The following VAV2 variants were observed in gnomAD, a reference collection of about 807,000 sequenced individuals.
The protein encoded by VAV2 is guanine nucleotide exchange factor VAV2.
A neutral mutation model predicts 132.5 loss-of-function variants in VAV2; 67 were observed. That is an observed-to-expected ratio of 0.51 (90% CI 0.42 to 0.62). The LOEUF (loss-of-function observed/expected upper bound fraction) is 0.62. Among genes scored for constraint, VAV2 ranks in the 20% least tolerant of loss-of-function variants. VAV2 has a pLI of 0.00. For synonymous variants in VAV2, 492 were observed against 443.5 expected, an observed-to-expected ratio of 1.11 and a Z score of -1.37; for missense variants, 938 against 1,153.6, an observed-to-expected ratio of 0.81 and a Z score of 2.71.
chr9:133,981,524 C>T lies in VAV2; in HGVS notation c.204+10551G>A, dbSNP rs934638090. On this transcript the variant is annotated intron_variant, in intron 1 of 29. Transcript: ENST00000371850. ...GTGCCCTTCACTGGGAGTGAGCCGC[C>T]GGGCTCGGGGTGAGGGTGCCGAGTC... 3.3e-5 allele frequency among the ~76,000 whole-genome samples: 5 copies of T among 152,274 alleles called. No individual in the cohort carries two copies. In the South Asian group the frequency reaches 6.2e-4, roughly 19 times the overall value.
chr9:133,765,518 T>C (rs1291168269), intron 29 of VAV2, among the ~76,000 whole-genome samples: 2 of 152,192 alleles, frequency 1.3e-5, no homozygotes, highest in African/African-American at 4.8e-5. Context: ...AATAGCTGGC[T>C]CAAACTCTTC....
At chr9:133,947,103 G>A (rs1841385673) in intron 1 of VAV2, among the ~76,000 whole-genome samples, 1 of 152,202 alleles carries the variant, frequency 6.6e-6, no homozygotes, top group Non-Finnish European at 1.5e-5. Flanking sequence ...AAGCAGCAGA[G>A]AGTCCACGAT....
intron 2 of VAV2, among the ~76,000 whole-genome samples, chr9:133,911,839 A>T (rs1445621826): frequency 6.6e-6 from 1 of 152,160 alleles, no homozygotes; most frequent in Non-Finnish European, 1.5e-5. Context: ...CCAACCACAC[A>T]CCGAATGTCC....
chr9:133,910,443 G>A (rs950902985), intron 2 of VAV2, among the ~76,000 whole-genome samples: 17 of 151,968 alleles, frequency 1.1e-4, no homozygotes, highest in African/African-American at 2.7e-4. Context: ...TCATGTAACC[G>A]GCACCAAGCC....
chr9:133,783,066 T>C (rs1780982292), intron 19 of VAV2, among the ~76,000 whole-genome samples: 1 of 152,232 alleles, frequency 6.6e-6, no homozygotes, highest in Non-Finnish European at 1.5e-5. Context: ...TGTGTGTGTG[T>C]GTCTGAACCA....
chr9:133,950,945 C>T (rs544143596), intron 1 of VAV2, among the ~76,000 whole-genome samples: 3 of 152,284 alleles, frequency 2.0e-5, no homozygotes, highest in South Asian at 2.1e-4. Context: ...GCAGAGGGCG[C>T]GATTCTTCCC....
At chr9:133,836,797 A>G (rs1237013474) in intron 3 of VAV2, among the ~76,000 whole-genome samples, 1 of 152,200 alleles carries the variant, frequency 6.6e-6, no homozygotes, top group Non-Finnish European at 1.5e-5. Context: ...ATGCATTCAC[A>G]CTTTGTAAGG....
At chr9:133,836,160 C>A (rs1836464287) in intron 3 of VAV2, among the ~76,000 whole-genome samples, 2 of 152,212 alleles carry the variant, frequency 1.3e-5, no homozygotes, top group South Asian at 4.1e-4. Context: ...CGACACAGAT[C>A]CCGCCCAGGT....
intron 2 of VAV2, among the ~76,000 whole-genome samples, chr9:133,886,815 C>A (rs555261102): frequency 6.6e-6 from 1 of 152,262 alleles, no homozygotes; most frequent in African/African-American, 2.4e-5. Flanking sequence ...AGCACAAAAG[C>A]CTGTGTTCAT....
rs75999113 is a variant in VAV2 at position 133,908,927 on chromosome 9, G to A, written c.321+30176C>T. ...TGTGGGCCCAGTGGGCATGCAGGCA[G>A]CTGCGCTCCCAGAATCTCCACACAG... On this transcript the variant is annotated intron_variant, in intron 2 of 29. Coordinates refer to ENST00000371850, the MANE Select transcript of VAV2 (RefSeq NM_001134398.2). 7.9e-3 allele frequency among the ~76,000 whole-genome samples: 1,204 copies of A among 152,376 alleles called. 20 individuals are homozygous for A. Among genetic ancestry groups the A allele is most frequent in the African/African-American group, 0.027 (1,125 of 41,590 alleles).
At chr9:133,981,911 G>A (rs73662363) in intron 1 of VAV2, among the ~76,000 whole-genome samples, 1,629 of 152,364 alleles carry the variant, frequency 0.011, 26 homozygotes, top group African/African-American at 0.037. Context: ...CGCTCAGCCC[G>A]CTTCCTGGCA....
chr9:133,976,237 AGGGTCATCCTCCCACAAGG>A (rs1842505770), intron 1 of VAV2, among the ~76,000 whole-genome samples: 1 of 151,808 alleles, frequency 6.6e-6, no homozygotes, highest in Non-Finnish European at 1.5e-5. Context: ...GGCCGCCTCT[AGGGTCATCCTCCCACAAGG>A]GGATCCTTTC....
At chr9:133,806,298 G>C in intron 8 of VAV2, 117 bp from the exon 9 acceptor site, 2 of 913,216 alleles carry the variant, frequency 2.2e-6, no homozygotes, top group Non-Finnish European at 3.3e-6. Flanking sequence ...AGGGGCCCGG[G>C]TGCTGGGCCT....
intron 2 of VAV2, among the ~76,000 whole-genome samples, chr9:133,932,188 C>T (rs1039579388): frequency 1.5e-4 from 23 of 152,302 alleles, no homozygotes; most frequent in African/African-American, 4.3e-4. Context: ...CCAGAGCTGG[C>T]GACCCATGGG....
At chr9:133,886,281 C>A (rs1283125196) in intron 2 of VAV2, among the ~76,000 whole-genome samples, 2 of 152,200 alleles carry the variant, frequency 1.3e-5, no homozygotes, top group Non-Finnish European at 2.9e-5. Context: ...CTTGCCTCGG[C>A]CCAGAGGCAT....
In VAV2 at chr9:133,822,334, GTC is replaced by G. The variant is rs1835822884; in HGVS notation, c.450-10120_450-10119del. Among the ~76,000 whole-genome samples, 5 of 152,214 alleles carry G rather than the reference GTC, an allele frequency of 3.3e-5. No homozygotes were observed. The South Asian group carries it at 1.0e-3, about 31-fold the overall frequency. On this transcript the variant is annotated intron_variant, in intron 4 of 29. Coordinates refer to ENST00000371850, the MANE Select transcript of VAV2 (RefSeq NM_001134398.2). ...CATTAGTGTGTTACTAGGAAACCGA[GTC>G]GGATGTTTCCTGACCTCCGTCCACA...
rs1193767280 is a variant in VAV2 at position 133,863,986 on chromosome 9, C to T, written c.322-2554G>A. On this transcript the variant is annotated intron_variant, in intron 2 of 29. Transcript: ENST00000371850. The surrounding 1 kb of genome is among the most constrained non-coding windows in gnomAD (Gnocchi z 5.0). ...CAGGGCACCTCTGGCTGTGCCCACC[C>T]CACTCCCAGGACAGACAGAGAGCTG... Among the ~76,000 whole-genome samples, 3 of 152,174 alleles carry T rather than the reference C, an allele frequency of 2.0e-5. No individual in the cohort carries two copies. The East Asian group carries it at 5.8e-4, about 29-fold the overall frequency.
intron 3 of VAV2, 91 bp downstream of exon 3, chr9:133,861,283 C>T: frequency 7.1e-7 from 1 of 1,404,054 alleles, no homozygotes. Flanking sequence ...CAGAGGGCAT[C>T]TGCTTCCAAC....
At chr9:133,937,731 C>A (rs1362291307) in intron 2 of VAV2, among the ~76,000 whole-genome samples, 4 of 152,186 alleles carry the variant, frequency 2.6e-5, no homozygotes, top group African/African-American at 7.2e-5. Context: ...CAGGCCCAGG[C>A]CATTCAAGCC....
Sources: allele counts gnomAD v4.1 joint callset (sites outside exome capture counted in the v4.1 genomes callset), GRCh38; gene constraint gnomAD v4.1.1; non-coding constraint Gnocchi (gnomAD v3.1); transcripts MANE v1.5; gene names NCBI Gene and HGNC (gene_info 2026-07-23, HGNC 2026-07-21).